The following PRMT8 variants were observed in gnomAD, a reference collection of about 807,000 sequenced individuals.
PRMT8 encodes the protein protein arginine N-methyltransferase 8.
PRMT8 carries 7 observed loss-of-function variants against 47.1 expected under a neutral mutation model. That is an observed-to-expected ratio of 0.15 (90% CI 0.08 to 0.28). PRMT8 has a LOEUF of 0.28. Ranked by LOEUF, PRMT8 falls within the 10% of genes least tolerant of loss-of-function variation. The probability of loss-of-function intolerance (pLI) is 1.00; values close to 1 mark genes in which losing one functional copy is unlikely to be tolerated. For missense variants in PRMT8, 237 were observed against 505.4 expected (o/e 0.47, Z 5.09); for synonymous variants, 188 against 186.5 (o/e 1.01, Z -0.07).
chr12:3,509,966 A>G (rs1013418917), intron 1 of PRMT8, among the ~76,000 whole-genome samples: 1 of 152,244 alleles, frequency 6.6e-6, no homozygotes, highest in African/African-American at 2.4e-5. Context: ...GAGACAATCA[A>G]GAATGCCCTG....
intron 4 of PRMT8, among the ~76,000 whole-genome samples, chr12:3,560,090 G>A (rs905139583): frequency 6.6e-6 from 1 of 152,178 alleles, no homozygotes; most frequent in Non-Finnish European, 1.5e-5. Context: ...TTTCCTCCCA[G>A]GGTTTGCAAC....
chr12:3,578,086 T>TAA (rs61595188), intron 7 of PRMT8, among the ~76,000 whole-genome samples: 3 of 151,786 alleles, frequency 2.0e-5, no homozygotes, highest in Admixed American at 6.5e-5. Context: ...TTTTTTAAAA[T>TAA]AGAGACATCA....
At chr12:3,568,001 G>T (rs1359973473) in intron 4 of PRMT8, among the ~76,000 whole-genome samples, 1 of 152,014 alleles carries the variant, frequency 6.6e-6, no homozygotes, top group Non-Finnish European at 1.5e-5. Context: ...GAACCTGGGA[G>T]GCGGAGGTTG....
intron 7 of PRMT8, 58 bp downstream of exon 7, chr12:3,577,044 T>C: frequency 6.9e-7 from 1 of 1,454,846 alleles, no homozygotes; most frequent in Non-Finnish European, 9.6e-7. Context: ...TGTGCCACCC[T>C]GGAGTCCAGG....
upstream of PRMT8, among the ~76,000 whole-genome samples, chr12:3,489,056 C>T (rs532937538): frequency 2.0e-5 from 3 of 152,276 alleles, no homozygotes; most frequent in Admixed American, 6.5e-5. Flanking sequence ...GGCATAGGCT[C>T]CTCACTCACA....
At chr12:3,401,862 T>C (rs1416461476) in intron 1 of PRMT8, among the ~76,000 whole-genome samples, 1 of 152,224 alleles carries the variant, frequency 6.6e-6, no homozygotes, top group African/African-American at 2.4e-5. Flanking sequence ...CATTCCATGC[T>C]CATGGATAGG....
intron 1 of PRMT8, among the ~76,000 whole-genome samples, chr12:3,408,092 TTTTC>T (rs1213013539): frequency 2.0e-5 from 3 of 151,928 alleles, no homozygotes; most frequent in Admixed American, 6.6e-5. Context: ...TCTTGCTGAG[TTTTC>T]TTTTTTATCT....
At chr12:3,424,080 A>G (rs896832944) in intron 1 of PRMT8, among the ~76,000 whole-genome samples, 1 of 152,150 alleles carries the variant, frequency 6.6e-6, no homozygotes, top group African/African-American at 2.4e-5. Flanking sequence ...ATTGCAAAAC[A>G]AATTTCTTAT....
chr12:3,510,699 G>A (rs1397675801), intron 1 of PRMT8, among the ~76,000 whole-genome samples: 1 of 152,160 alleles, frequency 6.6e-6, no homozygotes, highest in East Asian at 1.9e-4. Flanking sequence ...TTTCTTGGAG[G>A]CTTAACCAAA....
chr12:3,436,293 C>T lies in PRMT8; in HGVS notation c.48+54851C>T, dbSNP rs1864740429. ...CTCCGTCACCTTCGTTTTTGACACTCACTTGCTTTTCAAACCTCTTAATAC... is the reference window on the plus strand; with the variant it reads ...CTCCGTCACCTTCGTTTTTGACACTTACTTGCTTTTCAAACCTCTTAATAC... On this transcript the variant is annotated intron_variant, in intron 1 of 9. Transcript: ENST00000452611. This position sits in a 1 kb window ranked among gnomAD's most constrained non-coding sequence, Gnocchi z 4.2. Among the ~76,000 whole-genome samples the T allele has an allele frequency of 6.6e-6, 1 of 152,166 alleles. No homozygotes were observed. The highest frequency in any genetic ancestry group is 2.4e-5 in the African/African-American group (1 of 41,438).
chr12:3,412,552 C>A (rs989157108), intron 1 of PRMT8, among the ~76,000 whole-genome samples: 2 of 152,150 alleles, frequency 1.3e-5, no homozygotes, highest in African/African-American at 4.8e-5. Context: ...ACACATTGTA[C>A]ATCTGTACAA....
chr12:3,593,165 G>A lies in PRMT8; in HGVS notation c.1168G>A (p.Asp390Asn). The A allele has an allele frequency of 1.2e-6, 2 of 1,613,992 alleles. No individual in the cohort carries two copies. Among genetic ancestry groups the A allele is most frequent in the Non-Finnish European group, 1.7e-6 (2 of 1,179,932 alleles). Residue 390 changes from aspartate to asparagine, a missense_variant, in exon 10 of 10, where the codon GAC (aspartate) becomes AAC (asparagine). Physicochemically the swap from Asp to Asn is conservative, Grantham distance 23. Around this residue, in one of 5 missense-constraint regions of PRMT8, gnomAD observed 151 missense variants for 341.1 expected, o/e 0.44. Coordinates refer to ENST00000382622, the MANE Select transcript of PRMT8 (RefSeq NM_019854.5). This position sits in a 1 kb window ranked among gnomAD's most constrained non-coding sequence, Gnocchi z 4.8. ...GQLCETSVSN[D>N]YKMR ...GCTGTGTGAAACATCTGTATCTAAT[G>A]ACTACAAAATGCGTTAGCACACGTG... is the stretch of plus-strand genomic sequence containing the variant.
At chr12:3,464,748 AC>A (rs1865075214) in intron 1 of PRMT8, among the ~76,000 whole-genome samples, 1 of 152,158 alleles carries the variant, frequency 6.6e-6, no homozygotes, top group African/African-American at 2.4e-5. Flanking sequence ...GCCAACCAGG[AC>A]TCAACTGTAT....
intron 1 of PRMT8, among the ~76,000 whole-genome samples, chr12:3,470,529 G>T (rs1374616114): frequency 2.0e-5 from 3 of 152,148 alleles, no homozygotes; most frequent in Non-Finnish European, 4.4e-5. Flanking sequence ...TCCCTCCAGG[G>T]CCTCACTGTG....
In PRMT8 at chr12:3,550,231, AG is replaced by A; in HGVS notation, c.417+142del. On this transcript the variant is annotated intron_variant, in intron 3 of 9. Coordinates refer to ENST00000382622, the MANE Select transcript of PRMT8 (RefSeq NM_019854.5). This position sits in a 1 kb window ranked among gnomAD's most constrained non-coding sequence, Gnocchi z 5.1. The stretch of plus-strand genomic sequence containing the variant: ...ACACCTTCGAGGAGTAGAAGAAATC[AG>A]GTGTGACTCTCAGGAAGGGGAGCAG... 1 of 1,034,156 alleles carries A rather than the reference AG, an allele frequency of 9.7e-7. No homozygotes were observed. Among genetic ancestry groups the A allele is most frequent in the Non-Finnish European group, 1.4e-6 (1 of 713,010 alleles). 64.1% of individuals were successfully genotyped at this position (1,034,156 alleles called of 1,614,324 possible).
intron 4 of PRMT8, among the ~76,000 whole-genome samples, chr12:3,560,202 C>T (rs768402560): frequency 2.6e-4 from 40 of 152,194 alleles, no homozygotes; most frequent in South Asian, 2.1e-4. Context: ...CTTGGCTGCA[C>T]GGATGCTTCC....
intron 1 of PRMT8, among the ~76,000 whole-genome samples, chr12:3,481,134 G>A (rs1339920681): frequency 5.3e-5 from 8 of 152,192 alleles, no homozygotes; most frequent in Non-Finnish European, 1.2e-4. Flanking sequence ...CACACTGCTG[G>A]GAAATCCCCT....
At chr12:3,443,500 A>G (rs551997329) in intron 1 of PRMT8, among the ~76,000 whole-genome samples, 7 of 152,172 alleles carry the variant, frequency 4.6e-5, no homozygotes, top group Non-Finnish European at 7.4e-5. Flanking sequence ...AGAGACCTCT[A>G]AAGCATTTTC....
chr12:3,415,629 C>T (rs1360400659), intron 1 of PRMT8, among the ~76,000 whole-genome samples: 1 of 152,186 alleles, frequency 6.6e-6, no homozygotes, highest in Non-Finnish European at 1.5e-5. Flanking sequence ...TCACAATATA[C>T]CAGAAACTGA....
Sources: allele counts gnomAD v4.1 joint callset (sites outside exome capture counted in the v4.1 genomes callset), GRCh38; gene constraint gnomAD v4.1.1; regional missense constraint gnomAD v4.1.1; non-coding constraint Gnocchi (gnomAD v3.1); transcripts MANE v1.5; gene names NCBI Gene and HGNC (gene_info 2026-07-23, HGNC 2026-07-21).